GSTA2: variants seen among roughly 807,000 people sequenced by gnomAD.
GSTA2 encodes glutathione S-transferase A2.
GSTA2 carries 27 observed loss-of-function variants against 22.4 expected under a neutral mutation model. The ratio of observed to expected loss-of-function variants is 1.21; its 90% CI spans 0.89 to 1.67. The LOEUF (loss-of-function observed/expected upper bound fraction) is 1.67. Ranked by LOEUF, GSTA2 falls within the 40% of genes most tolerant of loss-of-function variation. The pLI is 0.00. For missense variants in GSTA2, 302 were observed against 260.2 expected (o/e 1.16, Z -1.11); for synonymous variants, 121 against 86.8 (o/e 1.39, Z -2.19).
chr6:52,755,133 A>T, intron 3 of GSTA2, 58 bp from the exon 4 acceptor site: 1 of 1,589,254 alleles, frequency 6.3e-7, no homozygotes, highest in Non-Finnish European at 8.6e-7. Flanking sequence ...CCATTTCAGG[A>T]TGAAAAAAAA....
At chr6:52,761,056 T>C (rs750612712) in intron 1 of GSTA2, among the ~76,000 whole-genome samples, 110 of 152,200 alleles carry the variant, frequency 7.2e-4, no homozygotes, top group Non-Finnish European at 1.4e-3. Flanking sequence ...CCTTCCATTA[T>C]GAGATTCATA....
intron 1 of GSTA2, among the ~76,000 whole-genome samples, chr6:52,761,852 C>CAGA (rs1170082596): frequency 6.6e-6 from 1 of 150,554 alleles, no homozygotes; most frequent in East Asian, 1.9e-4. Flanking sequence ...AAAGAGAGAT[C>CAGA]AGACTGTTAC....
chr6:52,751,075 T>C (rs1216566072), intron 6 of GSTA2, among the ~76,000 whole-genome samples: 3 of 152,132 alleles, frequency 2.0e-5, no homozygotes, highest in South Asian at 2.1e-4. Flanking sequence ...GAAAATGTTA[T>C]AGAAAATAGT....
chr6:52,759,579 T>TTG (rs1561897443), intron 1 of GSTA2, among the ~76,000 whole-genome samples: 11 of 119,940 alleles, frequency 9.2e-5, no homozygotes, highest in African/African-American at 3.1e-4. Context: ...TTTTTTTTTT[T>TTG]TTTTTTTTTT....
chr6:52,761,026 G>A (rs1411950713), intron 1 of GSTA2, among the ~76,000 whole-genome samples: 1 of 152,188 alleles, frequency 6.6e-6, no homozygotes, highest in Non-Finnish European at 1.5e-5. Context: ...AGAGAAGGGA[G>A]AATGAGATAA....
At chr6:52,751,486 G>T in intron 6 of GSTA2, 91 bp downstream of exon 6, 1 of 1,602,584 alleles carries the variant, frequency 6.2e-7, no homozygotes, top group Non-Finnish European at 8.5e-7. Flanking sequence ...AGAAGGCTGG[G>T]GTCAAAACAT....
chr6:52,752,530 C>T (rs1191407694), intron 5 of GSTA2, among the ~76,000 whole-genome samples: 6 of 152,190 alleles, frequency 3.9e-5, no homozygotes, highest in Non-Finnish European at 7.3e-5. Context: ...CCATGGGGTT[C>T]CATAGACTGA....
intron 1 of GSTA2, among the ~76,000 whole-genome samples, chr6:52,760,826 C>T (rs776057917): frequency 1.3e-5 from 2 of 152,142 alleles, no homozygotes; most frequent in Non-Finnish European, 2.9e-5. Context: ...AAAAGTGTGC[C>T]TTTCTCTACT....
At chr6:52,758,399 G>A (rs55941553) in intron 1 of GSTA2, among the ~76,000 whole-genome samples, 2,609 of 151,740 alleles carry the variant, frequency 0.017, 81 homozygotes, top group African/African-American at 0.058. Flanking sequence ...CCATTTTTTC[G>A]TTAATGAAAT....
chr6:52,762,714 G>C (rs1277060630), intron 1 of GSTA2, among the ~76,000 whole-genome samples: 1 of 152,162 alleles, frequency 6.6e-6, no homozygotes, highest in South Asian at 2.1e-4. Flanking sequence ...TCTATACTTT[G>C]TCTCTGTGTC....
chr6:52,763,247 T>A (rs935628182), intron 1 of GSTA2, among the ~76,000 whole-genome samples, 197 bp downstream of exon 1: 3 of 152,216 alleles, frequency 2.0e-5, no homozygotes, highest in African/African-American at 7.2e-5. Flanking sequence ...CTCTTCATTT[T>A]TACATTTCTG....
chr6:52,762,148 A>C (rs1404300620), intron 1 of GSTA2, among the ~76,000 whole-genome samples: 1 of 152,202 alleles, frequency 6.6e-6, no homozygotes, highest in Non-Finnish European at 1.5e-5. Context: ...ACCTCTGCCT[A>C]GGAAAGCCAG....
At chr6:52,760,555 A>G (rs1440251792) in intron 1 of GSTA2, among the ~76,000 whole-genome samples, 1 of 152,174 alleles carries the variant, frequency 6.6e-6, no homozygotes, top group Non-Finnish European at 1.5e-5. Flanking sequence ...ACTGAATTTC[A>G]GAGAGCTAAA....
chr6:52,756,669 AC>A (rs1318404772), intron 2 of GSTA2, among the ~76,000 whole-genome samples: 1 of 152,236 alleles, frequency 6.6e-6, no homozygotes, highest in African/African-American at 2.4e-5. Flanking sequence ...GTGAGATCAG[AC>A]CACAACCTTG....
intron 2 of GSTA2, among the ~76,000 whole-genome samples, chr6:52,757,402 A>T (rs1336755943): frequency 7.0e-6 from 1 of 143,520 alleles, no homozygotes; most frequent in Non-Finnish European, 1.5e-5. Flanking sequence ...TCCTCTTGTA[A>T]TAATTCCAAG....
chr6:52,753,001 A>G lies in GSTA2; in HGVS notation c.273-6T>C. 1 of 1,584,932 alleles carries G rather than the reference A, an allele frequency of 6.3e-7. No homozygotes were observed. The highest frequency in any genetic ancestry group is 8.6e-7 in the Non-Finnish European group (1 of 1,166,818). ...CTTCTATATACATATCAATCCTGAA[A>G]GACAAAAACAACCAAATGGTCAAAT... On this transcript the variant is annotated splice_region_variant and splice_polypyrimidine_tract_variant and intron_variant, in intron 4 of 6. Coordinates refer to ENST00000493422, the MANE Select transcript of GSTA2 (RefSeq NM_000846.5).
At chr6:52,759,577 T>TTTTTG in intron 1 of GSTA2, among the ~76,000 whole-genome samples, 2 of 117,684 alleles carry the variant, frequency 1.7e-5, no homozygotes, top group African/African-American at 6.9e-5. Context: ...TTTTTTTTTT[T>TTTTTG]TTTTTTTTTT....
chr6:52,757,766 T>C, intron 2 of GSTA2, 95 bp downstream of exon 2: 1 of 1,045,844 alleles, frequency 9.6e-7, no homozygotes, highest in East Asian at 2.4e-5. Context: ...TAAGGCACAA[T>C]GCTTCAGTTA....
At chr6:52,758,887 T>C (rs57560980) in intron 1 of GSTA2, among the ~76,000 whole-genome samples, 2,718 of 152,294 alleles carry the variant, frequency 0.018, 86 homozygotes, top group African/African-American at 0.061. Flanking sequence ...CTACAAAAAT[T>C]ACCTAAGGTT....
Sources: gnomAD v4.1 joint callset for allele counts (sites outside exome capture counted in the v4.1 genomes callset) on GRCh38, gnomAD v4.1.1 for gene constraint, MANE v1.5 for transcripts, NCBI Gene and HGNC (gene_info 2026-07-23, HGNC 2026-07-21) for gene names.